The following PITPNC1 variants were observed in gnomAD, a reference collection of about 807,000 sequenced individuals.
The protein encoded by PITPNC1 is phosphatidylinositol transfer protein cytoplasmic 1.
Under a neutral mutation model 44.7 loss-of-function variants are expected in PITPNC1, and 18 were observed. The ratio of observed to expected loss-of-function variants is 0.40; its 90% confidence interval spans 0.28 to 0.60. The LOEUF (loss-of-function observed/expected upper bound fraction) is 0.60. Among genes scored for constraint, PITPNC1 ranks in the 20% least tolerant of loss-of-function variants. PITPNC1 has a pLI of 0.39. For missense variants in PITPNC1, 290 were observed against 418.4 expected (o/e 0.69, Z 2.68); for synonymous variants, 141 against 149.6 (o/e 0.94, Z 0.42).
chr17:67,650,441 C>CTTTTTTTTTT (rs34611864), intron 6 of PITPNC1, among the ~76,000 whole-genome samples: 3 of 70,994 alleles, frequency 4.2e-5, no homozygotes, highest in East Asian at 5.1e-4. Context: ...AAACCATAGG[C>CTTTTTTTTTT]TTTTTTTTTT....
intron 1 of PITPNC1, among the ~76,000 whole-genome samples, chr17:67,513,487 G>GTATATATATA (rs1442010835): frequency 7.2e-4 from 98 of 136,908 alleles, no homozygotes; most frequent in African/African-American, 2.7e-3. Flanking sequence ...ATGTGTGTGT[G>GTATATATATA]TGTATATATA....
chr17:67,555,044 A>G (rs1438990341), intron 4 of PITPNC1, among the ~76,000 whole-genome samples: 1 of 152,218 alleles, frequency 6.6e-6, no homozygotes, highest in Admixed American at 6.5e-5. Flanking sequence ...ATAGGAATAT[A>G]TATAGTATTT....
intron 1 of PITPNC1, among the ~76,000 whole-genome samples, chr17:67,414,860 G>A (rs1567980945): frequency 6.6e-6 from 1 of 152,058 alleles, no homozygotes; most frequent in African/African-American, 2.4e-5. Flanking sequence ...CTGTCTCTGT[G>A]TCTTTGCACA....
At chr17:67,479,655 T>G (rs1168005005) in intron 1 of PITPNC1, among the ~76,000 whole-genome samples, 2 of 152,088 alleles carry the variant, frequency 1.3e-5, no homozygotes, top group African/African-American at 2.4e-5. Context: ...AATCAAAGAT[T>G]ATGATTTTTT....
intron 1 of PITPNC1, among the ~76,000 whole-genome samples, chr17:67,454,451 A>C (rs1453004616): frequency 6.6e-6 from 1 of 152,208 alleles, no homozygotes; most frequent in Non-Finnish European, 1.5e-5. Flanking sequence ...ACAAAGATTT[A>C]GAATGACATA....
intron 1 of PITPNC1, among the ~76,000 whole-genome samples, chr17:67,502,133 G>A (rs928616934): frequency 2.0e-5 from 3 of 149,726 alleles, no homozygotes; most frequent in African/African-American, 7.3e-5. Context: ...TGAAGACATC[G>A]TGTGGACTAA....
chr17:67,600,789 T>C (rs527325116), intron 5 of PITPNC1, among the ~76,000 whole-genome samples: 150 of 151,518 alleles, frequency 9.9e-4, no homozygotes, highest in African/African-American at 3.6e-3. Context: ...TTAGTTTTAA[T>C]GCAATTACTT....
intron 1 of PITPNC1, among the ~76,000 whole-genome samples, chr17:67,395,189 A>G (rs1391541181): frequency 3.4e-5 from 5 of 148,588 alleles, no homozygotes; most frequent in African/African-American, 1.2e-4. Flanking sequence ...TTTTTTAGAG[A>G]TAGGGTCCCA....
At chr17:67,588,879 GA>G (rs1294757930) in intron 5 of PITPNC1, among the ~76,000 whole-genome samples, 1 of 151,968 alleles carries the variant, frequency 6.6e-6, no homozygotes, top group Non-Finnish European at 1.5e-5. Context: ...ATTACAGAAA[GA>G]AAAAAAGCAT....
At chr17:67,385,497 C>T (rs183898794) in intron 1 of PITPNC1, among the ~76,000 whole-genome samples, 9 of 147,314 alleles carry the variant, frequency 6.1e-5, no homozygotes, top group Admixed American at 2.7e-4. Context: ...CTCCCCTCCC[C>T]CCAGGCACCT....
chr17:67,587,527 T>C (rs764876976), intron 5 of PITPNC1, among the ~76,000 whole-genome samples: 3 of 152,040 alleles, frequency 2.0e-5, no homozygotes, highest in Admixed American at 6.6e-5. Context: ...CATATGCATA[T>C]GAATCTGGCA....
intron 1 of PITPNC1, among the ~76,000 whole-genome samples, chr17:67,467,276 A>C (rs1436651219): frequency 6.6e-6 from 1 of 150,862 alleles, no homozygotes; most frequent in Non-Finnish European, 1.5e-5. Context: ...CTGGTCTCGA[A>C]CTCCTGACCT....
In PITPNC1 at chr17:67,419,903, C is replaced by A. The variant is rs902087639; in HGVS notation, c.48+41701C>A. 6.0e-5 allele frequency among the ~76,000 whole-genome samples: 9 copies of A among 150,456 alleles called. No homozygotes were observed. The East Asian group carries it at 1.2e-3, about 20-fold the overall frequency. ...CCTGAGTGAGGCTGGAGACCCAGAG[C>A]AAGACCCTGTCTCAAAAAAAAAAAG... On this transcript the variant is annotated intron_variant, in intron 1 of 8. Coordinates refer to ENST00000581322, the MANE Select transcript of PITPNC1 (RefSeq NM_012417.4).
chr17:67,423,312 T>G (rs2038697666), intron 1 of PITPNC1, among the ~76,000 whole-genome samples: 1 of 152,194 alleles, frequency 6.6e-6, no homozygotes, highest in African/African-American at 2.4e-5. Flanking sequence ...CTGACAGATA[T>G]TGGAAACATG....
chr17:67,605,663 T>C (rs1269058790), intron 5 of PITPNC1, among the ~76,000 whole-genome samples: 1 of 152,174 alleles, frequency 6.6e-6, no homozygotes, highest in Non-Finnish European at 1.5e-5. Context: ...GGAATCATAA[T>C]GGACAATAAA....
chr17:67,401,728 C>T (rs766096735), intron 1 of PITPNC1, among the ~76,000 whole-genome samples: 2 of 151,772 alleles, frequency 1.3e-5, no homozygotes, highest in African/African-American at 2.4e-5. Context: ...CCTGTAATCC[C>T]AGATACTCAG....
intron 5 of PITPNC1, among the ~76,000 whole-genome samples, chr17:67,630,937 C>T (rs1022867500): frequency 2.5e-4 from 38 of 151,762 alleles, no homozygotes; most frequent in African/African-American, 9.0e-4. Flanking sequence ...GTCTCAAACT[C>T]CTGACCTCAA....
chr17:67,387,310 G>T (rs931654875), intron 1 of PITPNC1, among the ~76,000 whole-genome samples: 1 of 152,148 alleles, frequency 6.6e-6, no homozygotes, highest in Non-Finnish European at 1.5e-5. Context: ...GTTTACAAGT[G>T]GAAACATCAC....
chr17:67,554,698 G>A (rs1004995437), intron 4 of PITPNC1, among the ~76,000 whole-genome samples: 14 of 152,312 alleles, frequency 9.2e-5, no homozygotes, highest in Non-Finnish European at 1.9e-4. Context: ...CCAACGCATC[G>A]TAGGTGCTCA....
Sources: allele counts gnomAD v4.1 joint callset (sites outside exome capture counted in the v4.1 genomes callset), GRCh38; gene constraint gnomAD v4.1.1; transcripts MANE v1.5; gene names NCBI Gene and HGNC (gene_info 2026-07-23, HGNC 2026-07-21).